Variants in CACNA1E observed in about 807,000 individuals in gnomAD.
The protein encoded by CACNA1E is calcium voltage-gated channel subunit alpha1 E, also known as voltage-dependent R-type calcium channel subunit alpha-1E.
In CACNA1E, 40 loss-of-function variants were observed where a neutral mutation model predicts 259.2. The ratio of observed to expected loss-of-function variants is 0.15; its 90% CI spans 0.12 to 0.20. The LOEUF (loss-of-function observed/expected upper bound fraction) is 0.20. Among genes scored for constraint, CACNA1E ranks in the 10% least tolerant of loss-of-function variants. The pLI is 1.00. For synonymous variants in CACNA1E, 1,104 were observed against 1,138.5 expected, an observed-to-expected ratio of 0.97 and a Z score of 0.61; for missense variants, 1,874 against 3,040.1, an observed-to-expected ratio of 0.62 and a Z score of 9.02.
chr1:181,680,576 G>A (rs948138481), intron 7 of CACNA1E, among the ~76,000 whole-genome samples: 1 of 152,092 alleles, frequency 6.6e-6, no homozygotes, highest in South Asian at 2.1e-4. Context: ...CTTCTCACAC[G>A]CCCTGCCTCC....
chr1:181,771,533 A>C, intron 36 of CACNA1E, 149 bp downstream of exon 36: 1 of 617,052 alleles, frequency 1.6e-6, no homozygotes, highest in Non-Finnish European at 2.9e-6. Context: ...GTCTTTGCCA[A>C]ACTGCCCCTA....
intron 7 of CACNA1E, among the ~76,000 whole-genome samples, chr1:181,658,493 C>G (rs1379939550): frequency 6.6e-6 from 1 of 152,206 alleles, no homozygotes; most frequent in Non-Finnish European, 1.5e-5. Context: ...AAAACCCTAG[C>G]CCAGGGTCTG....
rs752700438 is a variant in CACNA1E, at chr1:181,781,511, A to G, written c.5352A>G (p.Lys1784=). 1.9e-6 allele frequency: 3 copies of G among 1,559,924 alleles called. No homozygotes were observed. Among genetic ancestry groups the G allele is most frequent in the South Asian group, 2.3e-5 (2 of 86,882 alleles). ...PLGLGKRCPS[K]VAYKRLVLMN... Reference sequence around the variant, plus strand: ...GCCTCGGCAAGAGATGTCCCTCCAAAGTGGCATATAAGGTAGACCACCCCT... The same window carrying G: ...GCCTCGGCAAGAGATGTCCCTCCAAGGTGGCATATAAGGTAGACCACCCCT... Residue 1784 remains lysine, a synonymous_variant, in exon 39 of 48, where the codon AAA becomes AAG. Transcript: ENST00000367573.
At chr1:181,489,443 G>A (rs181961484) in intron 1 of CACNA1E, among the ~76,000 whole-genome samples, 182 of 152,270 alleles carry the variant, frequency 1.2e-3, no homozygotes, top group Non-Finnish European at 1.9e-3. Flanking sequence ...CCAACTTCAG[G>A]AATCTACTTT....
chr1:181,630,190 G>T lies in CACNA1E; in HGVS notation c.952-21148G>T, dbSNP rs560147462. ...ATGCAGTTGTATACATATTGCCTTT[G>T]TAATTTAATGTACAAAGACAAAATA... On this transcript the variant is annotated intron_variant, in intron 6 of 47. Transcript: ENST00000367573. Among the ~76,000 whole-genome samples, 379 of 152,254 alleles carry T rather than the reference G, an allele frequency of 2.5e-3. 2 individuals carry two copies. The highest frequency in any genetic ancestry group is 8.7e-3 in the African/African-American group (362 of 41,528).
At chr1:181,653,575 G>A (rs1179160386) in intron 7 of CACNA1E, among the ~76,000 whole-genome samples, 2 of 152,148 alleles carry the variant, frequency 1.3e-5, no homozygotes, top group East Asian at 3.9e-4. Flanking sequence ...TCCCTCCAAG[G>A]GCTCTAAAGG....
intron 6 of CACNA1E, among the ~76,000 whole-genome samples, chr1:181,596,696 C>T (rs922917201): frequency 6.6e-6 from 1 of 151,998 alleles, no homozygotes; most frequent in Non-Finnish European, 1.5e-5. Flanking sequence ...CTCTTTTGTA[C>T]AGACTTGATA....
chr1:181,328,008 G>A (rs973302645), intron 1 of CACNA1E, among the ~76,000 whole-genome samples: 9 of 152,184 alleles, frequency 5.9e-5, no homozygotes, highest in South Asian at 2.1e-4. Context: ...ACGATTTCAC[G>A]TCCTCAGAGA....
intron 6 of CACNA1E, among the ~76,000 whole-genome samples, chr1:181,619,228 T>TTTTTTTTTTTTTTTTTGAGACGGAGTCTC: frequency 6.6e-6 from 1 of 151,340 alleles, no homozygotes; most frequent in South Asian, 2.1e-4. Flanking sequence ...TACTTTTATA[T>TTTTTTTTTTTTTTTTTGAGACGGAGTCTC]GGGGTAGTTA....
At chr1:181,370,257 G>T (rs1654585641) in intron 1 of CACNA1E, among the ~76,000 whole-genome samples, 1 of 149,694 alleles carries the variant, frequency 6.7e-6, no homozygotes, top group Non-Finnish European at 1.5e-5. Context: ...ATTCACACTT[G>T]TATTGTTTCA....
intron 1 of CACNA1E, among the ~76,000 whole-genome samples, chr1:181,336,930 C>CTT (rs10700469): frequency 0.5 from 75,348 of 149,722 alleles, 19,343 homozygotes; most frequent in African/African-American, 0.55. Flanking sequence ...TATATAATGT[C>CTT]ATATCTATTA....
chr1:181,460,066 C>T (rs1661706022), intron 2 of CACNA1E, among the ~76,000 whole-genome samples: 1 of 152,186 alleles, frequency 6.6e-6, no homozygotes, highest in South Asian at 2.1e-4. Context: ...TGAACCCTTG[C>T]CTCAGGCTCT....
At chr1:181,581,073 T>C (rs1195555411) in intron 6 of CACNA1E, among the ~76,000 whole-genome samples, 1 of 152,188 alleles carries the variant, frequency 6.6e-6, no homozygotes, top group Non-Finnish European at 1.5e-5. Context: ...AATATGTTGG[T>C]TGGACGTGGC....
In CACNA1E at chr1:181,717,233, G is replaced by A; in HGVS notation, c.1456G>A (p.Val486Met). ...QVFYWIVLSL[V>M]ALNTACVAIV... is the part of the protein sequence containing the mutation. ...GTTTTACTGGATTGTGCTGAGCCTT[G>A]TGGCACTCAACACTGCCTGTGTGGC... Residue 486 changes from valine (V) to methionine (M), a missense_variant, in exon 11 of 48, where the codon GTG becomes ATG. Around this residue, in one of 14 missense-constraint regions of CACNA1E, gnomAD observed 157 missense variants for 203.5 expected, o/e 0.77. Coordinates refer to ENST00000367573, the MANE Select transcript of CACNA1E (RefSeq NM_001205293.3). 1.2e-6 allele frequency: 2 copies of A among 1,613,972 alleles called. No individual in the cohort carries two copies. Among genetic ancestry groups the A allele is most frequent in the Admixed American group, 1.7e-5 (1 of 60,024 alleles).
chr1:181,440,286 C>T (rs1463607199), intron 2 of CACNA1E, among the ~76,000 whole-genome samples: 2 of 152,202 alleles, frequency 1.3e-5, no homozygotes, highest in African/African-American at 2.4e-5. Context: ...GGGAGTAAAA[C>T]CTTACATCAG....
Position 181,580,655 on chromosome 1 carries a change from A to T in CACNA1E, c.830A>T (p.Tyr277Phe), listed in dbSNP as rs893862692. ...PCGVQGCPAG[Y>F]ECKDWIGPND... ...GGTGTGCAGGGCTGCCCAGCTGGTTATGAATGCAAGGACTGGATCGGCCCC... is the reference window on the plus strand; with the variant it reads ...GGTGTGCAGGGCTGCCCAGCTGGTTTTGAATGCAAGGACTGGATCGGCCCC... The change falls in exon 6 of 48, where the codon TAT becomes TTT. Residue 277 changes from tyrosine to phenylalanine, a missense_variant. By Grantham distance (22) the Tyr-to-Phe change is conservative (BLOSUM62 3). This residue lies in a region of CACNA1E where 28 missense variants were observed against 64.6 expected (regional missense o/e 0.43). Coordinates refer to ENST00000367573, the MANE Select transcript of CACNA1E (RefSeq NM_001205293.3). The T allele has an allele frequency of 1.2e-6, 2 of 1,614,038 alleles. No homozygotes were observed.
Position 181,736,349 on chromosome 1 carries a change from AAGAAGAAGC to A in CACNA1E, c.3346_3354del (p.Gln1116_Lys1118del). Reference sequence around the variant, plus strand: ...CAGAGAGGATGAGGAGGAGGTGGAGAAGAAGAAGCAGAAGAAGGAGAAGCGTGAGACAGG... The same window carrying A: ...CAGAGAGGATGAGGAGGAGGTGGAGAAGAAGAAGGAGAAGCGTGAGACAGG... On this transcript the variant is annotated inframe_deletion, in exon 22 of 48. Coordinates refer to ENST00000367573, the MANE Select transcript of CACNA1E (RefSeq NM_001205293.3). 1.2e-6 allele frequency: 2 copies of A among 1,610,014 alleles called. No individual in the cohort carries two copies. The highest frequency in any genetic ancestry group is 1.7e-6 in the Non-Finnish European group (2 of 1,177,988).
intron 16 of CACNA1E, among the ~76,000 whole-genome samples, chr1:181,722,343 G>A (rs958926196): frequency 6.6e-6 from 1 of 152,170 alleles, no homozygotes; most frequent in African/African-American, 2.4e-5. Flanking sequence ...CTATACGTGA[G>A]ACCTTAAACT....
intron 46 of CACNA1E, among the ~76,000 whole-genome samples, chr1:181,795,787 T>TATATATATATA (rs1410248740): frequency 1.6e-4 from 23 of 143,648 alleles, no homozygotes; most frequent in Middle Eastern, 3.9e-3. Context: ...TATATATATA[T>TATATATATATA]TAGTCTGGCT....
Sources: allele counts gnomAD v4.1 joint callset (sites outside exome capture counted in the v4.1 genomes callset), GRCh38; gene constraint gnomAD v4.1.1; regional missense constraint gnomAD v4.1.1; transcripts MANE v1.5; gene names NCBI Gene and HGNC (gene_info 2026-07-23, HGNC 2026-07-21).